NFIC: variants seen among roughly 807,000 people sequenced by gnomAD.
NFIC encodes the protein nuclear factor 1 C-type.
A neutral mutation model predicts 54.4 loss-of-function variants in NFIC; 12 were observed. The observed-to-expected ratio is 0.22, with a 90% CI of 0.14 to 0.36. The LOEUF is 0.36. Among genes scored for constraint, NFIC ranks in the 10% least tolerant of loss-of-function variants. The pLI is 1.00. For synonymous variants in NFIC, 322 were observed against 319.2 expected (o/e 1.01, Z -0.09); for missense variants, 575 against 718.2 (o/e 0.80, Z 2.28).
intron 2 of NFIC, among the ~76,000 whole-genome samples, chr19:3,391,120 C>T (rs964864280): frequency 1.3e-5 from 2 of 151,790 alleles, no homozygotes; most frequent in African/African-American, 2.4e-5. Context: ...TGTGGTTGCA[C>T]GCACTTGTGT....
At position 3,464,973 on chromosome 19, in the gene NFIC, C is replaced by A. The variant is rs1295954400; in HGVS notation, c.*2204C>A. 1 of 151,862 alleles carries A rather than the reference C, an allele frequency of 6.6e-6. No homozygotes were observed. Among genetic ancestry groups the A allele is most frequent in the Non-Finnish European group, 1.5e-5 (1 of 68,114 alleles). 9.4% of individuals were successfully genotyped at this position (151,862 alleles called of 1,614,324 possible). A position where few individuals can be genotyped will look rare whatever the true frequency, so the allele number is the denominator to read the frequency against. On this transcript the variant is annotated 3_prime_UTR_variant, in exon 11 of 11. Coordinates refer to ENST00000443272, the MANE Select transcript of NFIC (RefSeq NM_001245002.2). The stretch of plus-strand genomic sequence containing the variant: ...GTGGGGGAGGGAGGCCAGCCGGGCT[C>A]CAGAGGGGTCAGGGCGCGACGAGAA...
intron 2 of NFIC, among the ~76,000 whole-genome samples, chr19:3,383,750 G>T (rs187090548): frequency 6.6e-6 from 1 of 152,184 alleles, no homozygotes; most frequent in East Asian, 1.9e-4. Flanking sequence ...ACCCACACAG[G>T]TCACCAGCCC....
upstream of NFIC, among the ~76,000 whole-genome samples, chr19:3,365,478 A>AC (rs2080867794): frequency 6.6e-6 from 1 of 152,074 alleles, no homozygotes; most frequent in Non-Finnish European, 1.5e-5. Flanking sequence ...CAGGGAGTGA[A>AC]CCGGGGGAGG....
chr19:3,462,850 T>C lies in NFIC; in HGVS notation c.*81T>C, dbSNP rs2082661401. ...CACAGCCGGCCCCCGGCCCACGTTT[T>C]CGGTGGAAAATTAGAGTGAACAAGA... is the stretch of plus-strand genomic sequence containing the variant. On this transcript the variant is annotated 3_prime_UTR_variant, in exon 11 of 11. Transcript: ENST00000443272. The C allele has an allele frequency of 6.2e-7, 1 of 1,608,690 alleles. No homozygotes were observed. Among genetic ancestry groups the C allele is most frequent in the African/African-American group, 1.3e-5 (1 of 74,660 alleles).
chr19:3,388,098 C>T (rs2081325825), intron 2 of NFIC, among the ~76,000 whole-genome samples: 1 of 152,184 alleles, frequency 6.6e-6, no homozygotes. Flanking sequence ...GGCCAGCCTC[C>T]TGTTCCCGCC....
intron 10 of NFIC, among the ~76,000 whole-genome samples, chr19:3,457,620 A>G (rs552674519): frequency 6.6e-6 from 1 of 152,194 alleles, no homozygotes; most frequent in South Asian, 2.1e-4. Flanking sequence ...TCAGAGAGAA[A>G]CGAGCTCTGG....
chr19:3,449,913 AG>A (rs1307845664), intron 7 of NFIC, among the ~76,000 whole-genome samples: 2 of 142,122 alleles, frequency 1.4e-5, no homozygotes, highest in African/African-American at 5.3e-5. Flanking sequence ...AAATTAGCCG[AG>A]TGTGGTGGTA....
intron 2 of NFIC, among the ~76,000 whole-genome samples, chr19:3,422,189 G>A (rs563410794): frequency 6.2e-4 from 95 of 152,030 alleles, no homozygotes; most frequent in Non-Finnish European, 1.2e-3. Flanking sequence ...TGCCCGCCTC[G>A]GCCTCCCAAA....
In NFIC at chr19:3,463,634, C is replaced by A. The variant is rs1359223186; in HGVS notation, c.*865C>A. The A allele has an allele frequency of 6.1e-6, 6 of 981,606 alleles. No individual in the cohort carries two copies. The highest frequency in any genetic ancestry group is 4.7e-5 in the South Asian group (1 of 21,180). 60.8% of individuals were successfully genotyped at this position (981,606 alleles called of 1,614,324 possible). A position where few individuals can be genotyped will look rare whatever the true frequency, so the allele number is the denominator to read the frequency against. ...AATTGGCCCCGGCCCCTCCACCCCC[C>A]ACCCCCGGCATAGGAGGCCCCCCCA... On this transcript the variant is annotated 3_prime_UTR_variant, in exon 11 of 11. Coordinates refer to ENST00000443272, the MANE Select transcript of NFIC (RefSeq NM_001245002.2).
At chr19:3,456,688 G>T in intron 10 of NFIC, 53 bp downstream of exon 10, 1 of 1,343,472 alleles carries the variant, frequency 7.4e-7, no homozygotes, top group Non-Finnish European at 1.0e-6. Context: ...CAGAGGGGCC[G>T]GCCCGGGGGG....
At chr19:3,434,076 C>CA (rs748871370) in intron 4 of NFIC, among the ~76,000 whole-genome samples, 27 of 152,246 alleles carry the variant, frequency 1.8e-4, no homozygotes, top group Non-Finnish European at 2.9e-4. Context: ...CTCTGCCTCA[C>CA]AGTGTGCTCT....
intron 6 of NFIC, among the ~76,000 whole-genome samples, chr19:3,442,181 C>T (rs1429225401): frequency 6.6e-6 from 1 of 152,210 alleles, no homozygotes. Flanking sequence ...GCCGCCTCCA[C>T]CCGAGGCCTC....
At chr19:3,378,756 G>A (rs888003883) in intron 1 of NFIC, among the ~76,000 whole-genome samples, 3 of 152,140 alleles carry the variant, frequency 2.0e-5, no homozygotes, top group Non-Finnish European at 4.4e-5. Flanking sequence ...TGCAGGGAAC[G>A]GGGTGGCCCC....
intron 3 of NFIC, among the ~76,000 whole-genome samples, chr19:3,425,487 T>C (rs551870354): frequency 2.6e-5 from 4 of 152,290 alleles, no homozygotes; most frequent in African/African-American, 9.6e-5. Flanking sequence ...TGAGATGGAG[T>C]CTCGCTCTGT....
intron 2 of NFIC, among the ~76,000 whole-genome samples, chr19:3,386,335 TTTTTTG>T (rs1183882271): frequency 1.4e-5 from 2 of 146,574 alleles, no homozygotes; most frequent in African/African-American, 5.1e-5. Context: ...TTTTTTTTTT[TTTTTTG>T]AGATAGGGTC....
chr19:3,397,834 C>T (rs2081489306), intron 2 of NFIC, among the ~76,000 whole-genome samples: 1 of 152,228 alleles, frequency 6.6e-6, no homozygotes, highest in African/African-American at 2.4e-5. Flanking sequence ...CCCACACCCT[C>T]CCCAAGGTGG....
chr19:3,371,988 C>T (rs28731251), intron 1 of NFIC, among the ~76,000 whole-genome samples: 547 of 27,394 alleles, frequency 0.02, 17 homozygotes, highest in Non-Finnish European at 0.028. Context: ...TCTCTCTCTC[C>T]CTCTCTCTCC....
chr19:3,427,686 G>C (rs1486762316), intron 3 of NFIC, among the ~76,000 whole-genome samples: 1 of 151,312 alleles, frequency 6.6e-6, no homozygotes, highest in Admixed American at 6.6e-5. Context: ...AATTAGTCGG[G>C]CATGTTGGCA....
chr19:3,364,126 C>T (rs2080852828), upstream of NFIC, among the ~76,000 whole-genome samples: 1 of 150,162 alleles, frequency 6.7e-6, no homozygotes, highest in South Asian at 2.1e-4. Context: ...ACAGAGATGC[C>T]GAAGAGTGAA....
Sources: allele counts gnomAD v4.1 joint callset (sites outside exome capture counted in the v4.1 genomes callset), GRCh38; gene constraint gnomAD v4.1.1; transcripts MANE v1.5; gene names NCBI Gene and HGNC (gene_info 2026-07-23, HGNC 2026-07-21).